TNIK: variants seen among roughly 807,000 people sequenced by gnomAD.
TNIK encodes the protein TRAF2 and NCK-interacting protein kinase.
A neutral mutation model predicts 191.3 loss-of-function variants in TNIK; 49 were observed. The ratio of observed to expected loss-of-function variants is 0.26; its 90% CI spans 0.20 to 0.32. The LOEUF is 0.32. Among genes scored for constraint, TNIK ranks in the 10% least tolerant of loss-of-function variants. TNIK has a pLI of 1.00. For synonymous variants in TNIK, 594 were observed against 600.9 expected (o/e 0.99, Z 0.17); for missense variants, 1,155 against 1,702.3 (o/e 0.68, Z 5.66).
intron 2 of TNIK, among the ~76,000 whole-genome samples, chr3:171,283,236 G>C (rs1180993860): frequency 1.3e-5 from 2 of 151,256 alleles, no homozygotes; most frequent in African/African-American, 4.9e-5. Flanking sequence ...TGGAGAGAAG[G>C]AACTAAGAAA....
intron 2 of TNIK, among the ~76,000 whole-genome samples, chr3:171,280,394 G>A (rs1359642797): frequency 2.6e-5 from 4 of 152,168 alleles, no homozygotes; most frequent in Non-Finnish European, 5.9e-5. Context: ...CAAGTTATGT[G>A]TCTTTGGATC....
At chr3:171,119,757 T>C (rs1479705387) in intron 18 of TNIK, among the ~76,000 whole-genome samples, 14 of 131,926 alleles carry the variant, frequency 1.1e-4, no homozygotes, top group Non-Finnish European at 1.9e-4. Flanking sequence ...TGAGAACACA[T>C]GGACACAGTA....
chr3:171,108,731 G>C (rs1725363872), intron 19 of TNIK, among the ~76,000 whole-genome samples: 1 of 152,122 alleles, frequency 6.6e-6, no homozygotes, highest in South Asian at 2.1e-4. Flanking sequence ...ATTTTATTTG[G>C]TGGAACGGTT....
chr3:171,091,077 T>C (rs937807594), intron 23 of TNIK, among the ~76,000 whole-genome samples: 9 of 152,226 alleles, frequency 5.9e-5, no homozygotes, highest in African/African-American at 2.2e-4. Flanking sequence ...CAAGGTTTGA[T>C]GATGGTTAAT....
intron 15 of TNIK, 94 bp downstream of exon 15, chr3:171,138,096 CT>C: frequency 8.2e-7 from 1 of 1,216,028 alleles, no homozygotes; most frequent in Non-Finnish European, 1.1e-6. Context: ...TGTTTTCCAA[CT>C]TTGCAGCACT....
chr3:171,124,423 T>TA (rs1417041493), intron 17 of TNIK, among the ~76,000 whole-genome samples: 1 of 152,182 alleles, frequency 6.6e-6, no homozygotes, highest in Non-Finnish European at 1.5e-5. Context: ...GAAAATGTAT[T>TA]ATTAGCTTAT....
intron 1 of TNIK, among the ~76,000 whole-genome samples, chr3:171,420,161 T>G (rs972889848): frequency 6.6e-6 from 1 of 152,164 alleles, no homozygotes; most frequent in Non-Finnish European, 1.5e-5. Context: ...TTTCATTAAG[T>G]GTTGGTAAGA....
intron 1 of TNIK, among the ~76,000 whole-genome samples, chr3:171,459,103 T>C (rs1729101684): frequency 6.6e-6 from 1 of 151,688 alleles, no homozygotes; most frequent in Admixed American, 6.6e-5. Flanking sequence ...AGTGATGTCT[T>C]AGTCAATACA....
chr3:171,392,683 G>A (rs1160064088), intron 1 of TNIK, among the ~76,000 whole-genome samples: 1 of 150,188 alleles, frequency 6.7e-6, no homozygotes, highest in Non-Finnish European at 1.5e-5. Context: ...AGGAGGCTGA[G>A]CAGGAGAATC....
rs1719998900 is a variant in TNIK, at chr3:171,076,705, T to TCTAGGGCTTATGAAA, written c.3448+2812_3448+2813insTTTCATAAGCCCTAG. On this transcript the variant is annotated intron_variant, in intron 28 of 32. Transcript: ENST00000436636. ...AACTCTAGGGCTTATGAAAACCAAG[T>TCTAGGGCTTATGAAA]ACCTGCCTCCCTGCTGATTCCTGCT... 3.3e-5 allele frequency among the ~76,000 whole-genome samples: 5 copies of TCTAGGGCTTATGAAA among 152,340 alleles called. No homozygotes were observed. In the South Asian group the frequency reaches 1.0e-3, roughly 32 times the overall value.
chr3:171,231,424 C>A (rs1743629524), intron 2 of TNIK, among the ~76,000 whole-genome samples: 1 of 151,870 alleles, frequency 6.6e-6, no homozygotes, highest in East Asian at 1.9e-4. Context: ...GCTGAAACAG[C>A]AGTTCTCAGT....
chr3:171,437,890 G>C (rs1726220067), intron 1 of TNIK, among the ~76,000 whole-genome samples: 1 of 152,224 alleles, frequency 6.6e-6, no homozygotes, highest in South Asian at 2.1e-4. Flanking sequence ...CAGGTGCTGA[G>C]GAAATCCGGG....
chr3:171,147,111 T>C (rs565866523), intron 12 of TNIK, among the ~76,000 whole-genome samples: 22 of 152,262 alleles, frequency 1.4e-4, no homozygotes, highest in South Asian at 6.2e-4. Flanking sequence ...AGAGCTCCTG[T>C]TGCTTTTCAT....
At chr3:171,459,211 G>T (rs946851001) in intron 1 of TNIK, among the ~76,000 whole-genome samples, 1 of 149,584 alleles carries the variant, frequency 6.7e-6, no homozygotes, top group African/African-American at 2.5e-5. Context: ...ACAGACACGG[G>T]GAAAACACAC....
chr3:171,405,888 T>C (rs73879553), intron 1 of TNIK, among the ~76,000 whole-genome samples: 6,932 of 152,068 alleles, frequency 0.046, 536 homozygotes, highest in African/African-American at 0.16. Context: ...AGTAGCCAGG[T>C]TGAGGGCAAG....
At chr3:171,457,666 C>T (rs528863126) in intron 1 of TNIK, among the ~76,000 whole-genome samples, 1 of 152,300 alleles carries the variant, frequency 6.6e-6, no homozygotes, top group African/African-American at 2.4e-5. Flanking sequence ...ACACCTCACC[C>T]ACAAGACTGG....
At chr3:171,331,864 A>G (rs1171217779) in intron 2 of TNIK, among the ~76,000 whole-genome samples, 2 of 152,264 alleles carry the variant, frequency 1.3e-5, no homozygotes, top group East Asian at 3.9e-4. Flanking sequence ...ATGAAAAGCT[A>G]TCTCGTGATA....
At chr3:171,157,193 G>A (rs1733297251) in intron 12 of TNIK, among the ~76,000 whole-genome samples, 1 of 152,212 alleles carries the variant, frequency 6.6e-6, no homozygotes, top group Non-Finnish European at 1.5e-5. Flanking sequence ...AAGTAAAGCT[G>A]AGAAGGTGCT....
intron 2 of TNIK, among the ~76,000 whole-genome samples, chr3:171,325,510 T>C (rs1755653371): frequency 3.9e-5 from 6 of 152,150 alleles, no homozygotes; most frequent in Admixed American, 3.9e-4. Flanking sequence ...TTATAATGAG[T>C]ATAATTATCT....
Sources: allele counts gnomAD v4.1 joint callset (sites outside exome capture counted in the v4.1 genomes callset), GRCh38; gene constraint gnomAD v4.1.1; transcripts MANE v1.5; gene names NCBI Gene and HGNC (gene_info 2026-07-23, HGNC 2026-07-21).